Variants in RANBP2 observed in about 807,000 individuals in gnomAD.
The protein encoded by RANBP2 is RAN binding protein 2.
A neutral mutation model predicts 303.6 loss-of-function variants in RANBP2; 57 were observed. The ratio of observed to expected loss-of-function variants is 0.19; its 90% CI spans 0.15 to 0.23. RANBP2 has a LOEUF of 0.23. RANBP2 is among the 10% of genes least tolerant of loss of function. The pLI, the probability that RANBP2 is intolerant of heterozygous loss-of-function variation, is 1.00. For missense variants in RANBP2, 3,138 were observed against 3,780.8 expected, an observed-to-expected ratio of 0.83 and a Z score of 4.46; for synonymous variants, 1,167 against 1,301.5, an observed-to-expected ratio of 0.90 and a Z score of 2.23.
At chr2:108,910,643 G>A in the RANBP2 span, 1 of 1,398,112 alleles carries the variant, frequency 7.2e-7, no homozygotes, top group Admixed American at 1.8e-5. Context: ...TGTCTGTGTG[G>A]CACCACCCCA....
the RANBP2 span, among the ~76,000 whole-genome samples, chr2:108,851,842 A>G: frequency 1.3e-5 from 2 of 152,150 alleles, no homozygotes; most frequent in Non-Finnish European, 2.9e-5. Context: ...TATATATATC[A>G]TAACACCACA....
the RANBP2 span, among the ~76,000 whole-genome samples, chr2:109,215,215 C>G: frequency 6.6e-6 from 1 of 152,160 alleles, no homozygotes; most frequent in African/African-American, 2.4e-5. Flanking sequence ...CCCTCATGGT[C>G]CCTGCCCCCT....
the RANBP2 span, among the ~76,000 whole-genome samples, chr2:109,075,025 CAAAAAA>C: frequency 2.2e-5 from 1 of 44,634 alleles, no homozygotes; most frequent in East Asian, 5.7e-4. Flanking sequence ...GTCTCCATCT[CAAAAAA>C]AAAAAAAAAA....
the RANBP2 span, among the ~76,000 whole-genome samples, chr2:109,298,240 A>C: frequency 2.0e-5 from 3 of 152,316 alleles, no homozygotes; most frequent in Admixed American, 2.0e-4. Flanking sequence ...GAGAGCAGGC[A>C]GGAGCATGAT....
chr2:108,945,369 C>A, the RANBP2 span, among the ~76,000 whole-genome samples: 1 of 152,092 alleles, frequency 6.6e-6, no homozygotes. Flanking sequence ...TGCCAAGAGC[C>A]CCCAAGCAAC....
the RANBP2 span, chr2:108,812,770 A>C: frequency 1.2e-6 from 2 of 1,611,086 alleles, no homozygotes; most frequent in African/African-American, 2.7e-5. Context: ...CTTTGAGTTT[A>C]CTCATTTAGA....
the RANBP2 span, among the ~76,000 whole-genome samples, chr2:109,037,323 CAAAAAAAA>C: frequency 3.7e-5 from 2 of 54,336 alleles, no homozygotes; most frequent in Non-Finnish European, 7.8e-5. Context: ...GACCATGTCT[CAAAAAAAA>C]AAAAAAAAAA....
the RANBP2 span, among the ~76,000 whole-genome samples, chr2:109,363,812 A>G: frequency 6.6e-6 from 1 of 152,182 alleles, no homozygotes; most frequent in African/African-American, 2.4e-5. Context: ...TTTCTTTTGA[A>G]AATTCAAATG....
At chr2:108,827,797 CAGAG>C in the RANBP2 span, among the ~76,000 whole-genome samples, 3 of 132,790 alleles carry the variant, frequency 2.3e-5, no homozygotes, top group South Asian at 2.3e-4. Flanking sequence ...GCCTGGGCGA[CAGAG>C]AGAGAATATG....
In RANBP2 at chr2:108,782,596, A is replaced by C. The variant is rs1182442521; in HGVS notation, c.9103A>C (p.Lys3035Gln). The change falls in exon 28 of 29, where the codon AAA becomes CAA. Residue 3035 changes from lysine to glutamine, a missense_variant. Lys to Gln is a moderately conservative substitution (Grantham distance 53). Coordinates refer to ENST00000283195, the MANE Select transcript of RANBP2 (RefSeq NM_006267.5). The stretch of plus-strand genomic sequence containing the variant: ...TAAAGAAGTAGCTGATTGTTTCAAG[A>C]AAACATTTGAAGAATGTCAGCAGAA... ...KTKEVADCFKKTFEECQQNLM... is the reference protein window; with the variant it reads ...KTKEVADCFKQTFEECQQNLM... 5.0e-6 allele frequency: 8 copies of C among 1,614,132 alleles called. No homozygotes were observed. In the African/African-American group the frequency reaches 1.1e-4, roughly 22 times the overall value.
chr2:109,392,790 C>T, the RANBP2 span, among the ~76,000 whole-genome samples: 2 of 152,186 alleles, frequency 1.3e-5, no homozygotes, highest in African/African-American at 2.4e-5. Context: ...GCTGAGATTA[C>T]AGGCGTCAGC....
chr2:109,547,366 CTTGTT>C, the RANBP2 span, among the ~76,000 whole-genome samples: 3 of 120,322 alleles, frequency 2.5e-5, no homozygotes, highest in African/African-American at 9.0e-5. Context: ...TGCTAATAAA[CTTGTT>C]TTTTTTTTTT....
the RANBP2 span, among the ~76,000 whole-genome samples, chr2:109,186,949 G>A: frequency 6.6e-6 from 1 of 152,186 alleles, no homozygotes; most frequent in Non-Finnish European, 1.5e-5. Context: ...AAGTGTAGAA[G>A]CCATGATGCT....
the RANBP2 span, chr2:109,130,155 G>T: frequency 7.9e-7 from 1 of 1,269,346 alleles, no homozygotes; most frequent in Non-Finnish European, 9.9e-7. Flanking sequence ...GCACGTGGGA[G>T]TGTGTGGGTG....
the RANBP2 span, chr2:109,449,327 A>G: frequency 6.2e-7 from 1 of 1,605,028 alleles, no homozygotes; most frequent in Non-Finnish European, 8.5e-7. Flanking sequence ...AGATGTGCCC[A>G]CGGCCGGCCA....
At chr2:108,848,220 AATGTT>A in the RANBP2 span, among the ~76,000 whole-genome samples, 1 of 152,220 alleles carries the variant, frequency 6.6e-6, no homozygotes, top group African/African-American at 2.4e-5. Context: ...AATAACATGT[AATGTT>A]CATTTCTGAT....
the RANBP2 span, among the ~76,000 whole-genome samples, chr2:109,518,423 C>T: frequency 6.6e-6 from 1 of 152,148 alleles, no homozygotes; most frequent in African/African-American, 2.4e-5. Flanking sequence ...TAGGTAGCTT[C>T]CCCCAGGGCT....
chr2:109,312,812 G>C, the RANBP2 span, among the ~76,000 whole-genome samples: 9 of 152,162 alleles, frequency 5.9e-5, no homozygotes, highest in African/African-American at 1.9e-4. Context: ...TGGCTCTTGT[G>C]GGTAGAGCTG....
the RANBP2 span, among the ~76,000 whole-genome samples, chr2:109,360,215 A>T: frequency 7.5e-3 from 1,147 of 152,310 alleles, 11 homozygotes; most frequent in Non-Finnish European, 0.013. Context: ...AGTTACTCTG[A>T]ACATGTAATT....
Sources: allele counts gnomAD v4.1 joint callset (sites outside exome capture counted in the v4.1 genomes callset), GRCh38; gene constraint gnomAD v4.1.1; transcripts MANE v1.5; gene names NCBI Gene and HGNC (gene_info 2026-07-23, HGNC 2026-07-21).